CNTNAP3B: variants seen among roughly 807,000 people sequenced by gnomAD.
CNTNAP3B encodes the protein contactin associated protein family member 3B.
In CNTNAP3B, 25 loss-of-function variants were observed where a neutral mutation model predicts 108.9. That is an observed-to-expected ratio of 0.23 (90% CI 0.17 to 0.32). The LOEUF is 0.32. CNTNAP3B is among the 10% of genes least tolerant of loss of function. The pLI is 1.00. For synonymous variants in CNTNAP3B, 103 were observed against 473.4 expected, an observed-to-expected ratio of 0.22 and a Z score of 10.16; for missense variants, 252 against 1,210.4, an observed-to-expected ratio of 0.21 and a Z score of 11.75.
Position 42,126,822 on chromosome 9 carries a change from G to A in CNTNAP3B, c.85+2188C>T, listed in dbSNP as rs1460594522. On this transcript the variant is annotated intron_variant, in intron 1 of 23. Transcript: ENST00000377561. ...TGACCTCAGGTGATCCACCCACCTC[G>A]GCCTCCCAAAGTGCTGGGATTACAG... is the stretch of plus-strand genomic sequence containing the variant. Among the ~76,000 whole-genome samples, 4 of 138,182 alleles carry A rather than the reference G, an allele frequency of 2.9e-5. 1 individual carries two copies. Among genetic ancestry groups the A allele is most frequent in the African/African-American group, 1.2e-4 (4 of 34,526 alleles). 90.7% of individuals were successfully genotyped at this position (138,182 alleles called of 152,430 possible).
chr9:42,041,339 C>T (rs1484242367), intron 3 of CNTNAP3B, among the ~76,000 whole-genome samples: 1 of 150,262 alleles, frequency 6.7e-6, no homozygotes, highest in Non-Finnish European at 1.5e-5. Context: ...ATCTACCCAT[C>T]TGACAAAGGG....
intron 2 of CNTNAP3B, among the ~76,000 whole-genome samples, chr9:42,096,567 G>A (rs2118682233): frequency 7.6e-6 from 1 of 132,380 alleles, no homozygotes; most frequent in South Asian, 2.5e-4. Flanking sequence ...AAATTTCAGT[G>A]AGCTTGGAAG....
At chr9:42,042,106 T>G (rs1464763137) in intron 3 of CNTNAP3B, among the ~76,000 whole-genome samples, 1 of 142,098 alleles carries the variant, frequency 7.0e-6, no homozygotes, top group African/African-American at 2.7e-5. Context: ...GGAGGAGGGA[T>G]AGCATTAGGA....
At chr9:41,953,031 C>A (rs1378726328) in intron 13 of CNTNAP3B, among the ~76,000 whole-genome samples, 152 bp downstream of exon 13, 1 of 152,276 alleles carries the variant, frequency 6.6e-6, no homozygotes, top group African/African-American at 2.4e-5. Flanking sequence ...TTTGGTCCAA[C>A]CAAGAGCGGG....
chr9:41,961,765 AC>A (rs1333233535), intron 11 of CNTNAP3B, among the ~76,000 whole-genome samples: 1 of 152,308 alleles, frequency 6.6e-6, no homozygotes, highest in Non-Finnish European at 1.5e-5. Context: ...CAGGAGAGAA[AC>A]TTTTTTGAAA....
At chr9:41,959,714 T>C (rs1455817647) in intron 12 of CNTNAP3B, among the ~76,000 whole-genome samples, 1 of 152,310 alleles carries the variant, frequency 6.6e-6, no homozygotes, top group Non-Finnish European at 1.5e-5. Context: ...AAAGTTTTAC[T>C]ATTTTTTGAC....
chr9:41,921,114 G>A (rs371102445), intron 17 of CNTNAP3B, among the ~76,000 whole-genome samples: 6,414 of 133,190 alleles, frequency 0.048, no homozygotes, highest in African/African-American at 0.067. Context: ...CTAAGGTGGG[G>A]GCCCCAAATC....
chr9:41,918,476 C>T (rs1427360601), intron 18 of CNTNAP3B, among the ~76,000 whole-genome samples: 1 of 145,478 alleles, frequency 6.9e-6, no homozygotes, highest in African/African-American at 2.6e-5. Context: ...ACACACCCCC[C>T]AAATATATCT....
intron 2 of CNTNAP3B, among the ~76,000 whole-genome samples, chr9:42,081,355 G>A (rs62558910): frequency 0.011 from 1,658 of 148,610 alleles, 25 homozygotes; most frequent in South Asian, 0.045. Context: ...CTTATGTACC[G>A]TTTTATCCAC....
chr9:42,111,258 T>A, intron 1 of CNTNAP3B, among the ~76,000 whole-genome samples: 1 of 139,524 alleles, frequency 7.2e-6, no homozygotes. Flanking sequence ...TTGGGAGAAA[T>A]ACCCATTCAT....
At chr9:41,935,899 C>T (rs1440085429) in intron 14 of CNTNAP3B, among the ~76,000 whole-genome samples, 2 of 152,404 alleles carry the variant, frequency 1.3e-5, no homozygotes, top group South Asian at 4.1e-4. Flanking sequence ...CTAAGGGTAT[C>T]AGAGGACCTG....
chr9:42,082,774 C>T (rs1827628583), intron 2 of CNTNAP3B, among the ~76,000 whole-genome samples: 1 of 137,778 alleles, frequency 7.3e-6, no homozygotes, highest in African/African-American at 2.9e-5. Flanking sequence ...CACTCCCTAG[C>T]AGCTTTGAAA....
chr9:42,042,925 A>T (rs1378838933), intron 3 of CNTNAP3B, among the ~76,000 whole-genome samples: 1 of 146,902 alleles, frequency 6.8e-6, no homozygotes, highest in East Asian at 2.0e-4. Flanking sequence ...TTTTTTAACT[A>T]ATTGACTTTT....
At chr9:41,939,061 T>C (rs900378196) in intron 13 of CNTNAP3B, among the ~76,000 whole-genome samples, 1 of 152,278 alleles carries the variant, frequency 6.6e-6, no homozygotes, top group African/African-American at 2.4e-5. Flanking sequence ...GCACTGACAA[T>C]GATTAAATGA....
At position 41,974,334 on chromosome 9, in the gene CNTNAP3B, G is replaced by C. The variant is rs1825483702; in HGVS notation, c.1478-4089C>G. ...GGCTACCCATGGGTAGAGTCAGCAG[G>C]GCAACATTAAATTGAAAAAAAAAAA... On this transcript the variant is annotated intron_variant, in intron 9 of 23. Transcript: ENST00000377561. The C allele has an allele frequency of 1.5e-5, 2 of 134,202 alleles. 1 individual carries two copies. The highest frequency in any genetic ancestry group is 2.7e-5 in the Non-Finnish European group (2 of 73,488). 8.3% of individuals were successfully genotyped at this position (134,202 alleles called of 1,614,324 possible). A position where few individuals can be genotyped will look rare whatever the true frequency, so the allele number is the denominator to read the frequency against.
At chr9:42,062,081 G>A (rs1392994610) in intron 3 of CNTNAP3B, among the ~76,000 whole-genome samples, 1 of 49,368 alleles carries the variant, frequency 2.0e-5, no homozygotes, top group African/African-American at 6.6e-5. Flanking sequence ...TTGCTCTGTG[G>A]CCCAGGCTGG....
At chr9:41,966,203 CCTT>C (rs1825269431) in intron 10 of CNTNAP3B, among the ~76,000 whole-genome samples, 1 of 152,300 alleles carries the variant, frequency 6.6e-6, no homozygotes, top group Non-Finnish European at 1.5e-5. Context: ...TCCTCCCCTT[CCTT>C]CTTAATATAA....
chr9:41,923,652 C>A (rs1236252208), intron 16 of CNTNAP3B, among the ~76,000 whole-genome samples: 1 of 152,294 alleles, frequency 6.6e-6, no homozygotes, highest in Admixed American at 6.5e-5. Context: ...GTCCCAGCTA[C>A]TCAGGAGACT....
chr9:42,003,399 G>GA (rs200598648), intron 4 of CNTNAP3B, among the ~76,000 whole-genome samples: 18 of 58,938 alleles, frequency 3.1e-4, no homozygotes, highest in Non-Finnish European at 5.6e-4. Flanking sequence ...TCTTACAAAA[G>GA]AAAAAAAAAA....
Sources: gnomAD v4.1 joint callset for allele counts (sites outside exome capture counted in the v4.1 genomes callset) on GRCh38, gnomAD v4.1.1 for gene constraint, MANE v1.5 for transcripts, NCBI Gene and HGNC (gene_info 2026-07-23, HGNC 2026-07-21) for gene names.